The following UTS2 variants were observed in gnomAD, a reference collection of about 807,000 sequenced individuals.
UTS2 encodes the protein urotensin 2.
UTS2 carries 10 observed loss-of-function variants against 12.6 expected under a neutral mutation model. That is an observed-to-expected ratio of 0.80 (90% CI 0.49 to 1.35). The LOEUF (loss-of-function observed/expected upper bound fraction) is 1.35, where lower values mean the gene tolerates loss of function less well. Ranked by LOEUF, UTS2 falls within the 40% of genes most tolerant of loss-of-function variation. The probability of loss-of-function intolerance (pLI) is 0.00; values close to 1 mark genes in which losing one functional copy is unlikely to be tolerated. For synonymous variants in UTS2, 52 were observed against 50.0 expected, an observed-to-expected ratio of 1.04 and a Z score of -0.17; for missense variants, 142 against 143.2, an observed-to-expected ratio of 0.99 and a Z score of 0.04.
At chr1:7,906,479 G>GAAAGAAAGAAAGAA in the UTS2 span, among the ~76,000 whole-genome samples, 2 of 124,976 alleles carry the variant, frequency 1.6e-5, no homozygotes, top group Admixed American at 1.7e-4. Context: ...AAGAAAGAAA[G>GAAAGAAAGAAAGAA]AAAGAAAGAA....
At chr1:7,889,156 G>T in the UTS2 span, among the ~76,000 whole-genome samples, 2 of 150,780 alleles carry the variant, frequency 1.3e-5, no homozygotes, top group African/African-American at 2.4e-5. Context: ...AGGTGTGGTG[G>T]CTCATGCCTG....
the UTS2 span, among the ~76,000 whole-genome samples, chr1:7,905,394 C>T: frequency 7.4e-6 from 1 of 135,872 alleles, no homozygotes; most frequent in African/African-American, 2.8e-5. Context: ...ATGCCCCTGC[C>T]TCGGCCTCCC....
chr1:7,879,268 A>G, the UTS2 span, among the ~76,000 whole-genome samples: 1 of 152,208 alleles, frequency 6.6e-6, no homozygotes, highest in Non-Finnish European at 1.5e-5. Flanking sequence ...GCCACAAAAC[A>G]TATCTCGACA....
chr1:7,867,129 CAG>C, the UTS2 span, among the ~76,000 whole-genome samples: 2 of 152,166 alleles, frequency 1.3e-5, no homozygotes, highest in Non-Finnish European at 2.9e-5. Context: ...CTCGGCCTCC[CAG>C]AGTGCTGAGA....
chr1:7,848,644 C>A (rs1397132242), intron 3 of UTS2, among the ~76,000 whole-genome samples: 1 of 151,992 alleles, frequency 6.6e-6, no homozygotes, highest in African/African-American at 2.4e-5. Flanking sequence ...ACCAGCCTCC[C>A]GAATAGCTGG....
At chr1:7,887,040 CAAAAAAAAAAAAAAA>C in the UTS2 span, among the ~76,000 whole-genome samples, 145 of 34,736 alleles carry the variant, frequency 4.2e-3, 1 homozygote, top group African/African-American at 0.015. Context: ...GACTCCGTCT[CAAAAAAAAAAAAAAA>C]AAAAAAAAAA....
At chr1:7,897,676 G>T in the UTS2 span, among the ~76,000 whole-genome samples, 1 of 151,870 alleles carries the variant, frequency 6.6e-6, no homozygotes, top group Non-Finnish European at 1.5e-5. Flanking sequence ...AACCTCCACC[G>T]CCCAGGTTCA....
At chr1:7,906,006 C>T in the UTS2 span, among the ~76,000 whole-genome samples, 22 of 152,116 alleles carry the variant, frequency 1.4e-4, no homozygotes, top group Non-Finnish European at 5.9e-5. Context: ...GGGTCGGGAA[C>T]ACACGGAATT....
Position 7,847,745 on chromosome 1 carries a change from C to CT in UTS2, c.*20dup, listed in dbSNP as rs112820691. 0.076 allele frequency: 118,742 copies of CT among 1,557,316 alleles called. 5,018 individuals carry two copies. Among genetic ancestry groups the CT allele is most frequent in the Middle Eastern group, 0.18 (1,081 of 5,976 alleles). On this transcript the variant is annotated 3_prime_UTR_variant, in exon 4 of 4. Coordinates refer to ENST00000361696, the MANE Select transcript of UTS2 (RefSeq NM_006786.4). ...TCTAAGATGGGTGTTTCTGAGCTGACTAACAGATGCTTATTTCACTTCAGA... is the reference window on the plus strand; with the variant it reads ...TCTAAGATGGGTGTTTCTGAGCTGACTTAACAGATGCTTATTTCACTTCAGA...
At chr1:7,885,895 TG>T in the UTS2 span, among the ~76,000 whole-genome samples, 4 of 3,968 alleles carry the variant, frequency 1.0e-3, no homozygotes, top group Non-Finnish European at 4.8e-4. Flanking sequence ...CAGGTGGTGG[TG>T]GGGGGGTGGG....
chr1:7,912,964 C>T, the UTS2 span, among the ~76,000 whole-genome samples: 1 of 149,870 alleles, frequency 6.7e-6, no homozygotes, highest in African/African-American at 2.5e-5. Context: ...TCCTACTTTG[C>T]CCTTTAAAAT....
chr1:7,912,900 TTTA>T, the UTS2 span, among the ~76,000 whole-genome samples: 1 of 152,002 alleles, frequency 6.6e-6, no homozygotes, highest in East Asian at 1.9e-4. Flanking sequence ...TAAGAAATCG[TTTA>T]TTTTTTTTTT....
the UTS2 span, among the ~76,000 whole-genome samples, chr1:7,872,983 A>G: frequency 6.6e-6 from 1 of 152,236 alleles, no homozygotes; most frequent in Non-Finnish European, 1.5e-5. Flanking sequence ...GCACTCATTT[A>G]CCATTCCAAA....
At chr1:7,852,525 T>C (rs1011831489) in intron 1 of UTS2, among the ~76,000 whole-genome samples, 3 of 152,162 alleles carry the variant, frequency 2.0e-5, no homozygotes, top group Non-Finnish European at 4.4e-5. Flanking sequence ...TAATAATCTA[T>C]AATTAGAACA....
chr1:7,905,334 G>A, the UTS2 span, among the ~76,000 whole-genome samples: 1 of 151,700 alleles, frequency 6.6e-6, no homozygotes, highest in Admixed American at 6.6e-5. Flanking sequence ...TAGTAGACAC[G>A]GGGTTTCTCC....
At chr1:7,862,980 A>G in the UTS2 span, among the ~76,000 whole-genome samples, 96 of 53,364 alleles carry the variant, frequency 1.8e-3, 5 homozygotes, top group South Asian at 7.8e-3. Flanking sequence ...GCCGTTATTT[A>G]TTGTGTTGTG....
intron 2 of UTS2, among the ~76,000 whole-genome samples, chr1:7,850,487 CTT>C (rs1044884741): frequency 6.6e-6 from 1 of 152,050 alleles, no homozygotes; most frequent in African/African-American, 2.4e-5. Context: ...AGAAAGATTA[CTT>C]TAAGTTTTCA....
chr1:7,908,229 C>G, the UTS2 span, among the ~76,000 whole-genome samples: 1 of 148,888 alleles, frequency 6.7e-6, no homozygotes, highest in Non-Finnish European at 1.5e-5. Flanking sequence ...AACCTGGAGT[C>G]AGAGATTGCA....
At chr1:7,906,989 G>A in the UTS2 span, among the ~76,000 whole-genome samples, 5 of 152,230 alleles carry the variant, frequency 3.3e-5, 1 homozygote, top group Admixed American at 2.6e-4. Context: ...AGTGGCTCAC[G>A]CCTGTAATCC....
Sources: gnomAD v4.1 joint callset for allele counts (sites outside exome capture counted in the v4.1 genomes callset) on GRCh38, gnomAD v4.1.1 for gene constraint, MANE v1.5 for transcripts, NCBI Gene and HGNC (gene_info 2026-07-23, HGNC 2026-07-21) for gene names.